FRMD4A: variants seen among roughly 807,000 people sequenced by gnomAD.
FRMD4A encodes FERM domain containing 4A.
In FRMD4A, 29 loss-of-function variants were observed where a neutral mutation model predicts 129.1. The ratio of observed to expected loss-of-function variants is 0.22; its 90% confidence interval spans 0.17 to 0.31. FRMD4A has a LOEUF of 0.31. Ranked by LOEUF, FRMD4A falls within the 10% of genes least tolerant of loss-of-function variation. The pLI is 1.00. For synonymous variants in FRMD4A, 634 were observed against 571.6 expected (o/e 1.11, Z -1.56); for missense variants, 1,272 against 1,375.8 (o/e 0.92, Z 1.19).
Position 13,884,200 on chromosome 10 carries a change from A to ACACACACACACTCACACGCACACT in FRMD4A, c.46-25289_46-25288insAGTGTGCGTGTGAGTGTGTGTGTG, listed in dbSNP as rs2131138612. Among the ~76,000 whole-genome samples the ACACACACACACTCACACGCACACT allele has an allele frequency of 8.9e-5, 5 of 55,900 alleles. 1 individual carries two copies. The South Asian group carries it at 4.2e-3, about 47-fold the overall frequency. 36.7% of individuals were successfully genotyped at this position (55,900 alleles called of 152,430 possible). ...CTCACACACACACACACACACTCAC[A>ACACACACACACTCACACGCACACT]CACACACTCACACACACACACACAC... On this transcript the variant is annotated intron_variant, in intron 2 of 24. Transcript: ENST00000357447.
intron 2 of FRMD4A, among the ~76,000 whole-genome samples, chr10:14,186,519 G>A (rs1430157105): frequency 6.6e-6 from 1 of 152,172 alleles, no homozygotes; most frequent in African/African-American, 2.4e-5. Context: ...AACAATAAAA[G>A]CTTTGCTTTT....
intron 2 of FRMD4A, among the ~76,000 whole-genome samples, chr10:14,219,311 C>T (rs1344022639): frequency 6.6e-6 from 1 of 152,190 alleles, no homozygotes; most frequent in African/African-American, 2.4e-5. Flanking sequence ...ATTCTGTCCC[C>T]TCTGCCCGAT....
At chr10:13,647,278 T>C (rs569203092) in intron 24 of FRMD4A, 2 of 152,324 alleles carry the variant, frequency 1.3e-5, no homozygotes, top group African/African-American at 4.8e-5. Context: ...AAATGGAAGG[T>C]AACTTACTCA....
intron 2 of FRMD4A, among the ~76,000 whole-genome samples, chr10:14,294,352 T>A (rs994821355): frequency 1.3e-5 from 2 of 152,156 alleles, no homozygotes; most frequent in Admixed American, 6.5e-5. Context: ...TAGTGTGAAC[T>A]AATAAAAAAG....
chr10:13,677,658 T>C (rs952525845), intron 15 of FRMD4A, among the ~76,000 whole-genome samples: 1 of 152,224 alleles, frequency 6.6e-6, no homozygotes, highest in Non-Finnish European at 1.5e-5. Flanking sequence ...CCAATCACCC[T>C]GTGCTTACCA....
intron 2 of FRMD4A, among the ~76,000 whole-genome samples, chr10:13,982,576 A>G (rs1174784815): frequency 1.3e-5 from 2 of 151,826 alleles, no homozygotes; most frequent in Admixed American, 6.6e-5. Flanking sequence ...GTCCTGCCCT[A>G]TACCCAGAAG....
chr10:13,753,283 G>A (rs1276306703), intron 8 of FRMD4A, among the ~76,000 whole-genome samples: 3 of 152,152 alleles, frequency 2.0e-5, no homozygotes, highest in East Asian at 1.9e-4. Context: ...CCAATCACAT[G>A]CTTTTTTCCC....
At chr10:13,669,531 C>T (rs979987578) in intron 17 of FRMD4A, among the ~76,000 whole-genome samples, 6 of 152,160 alleles carry the variant, frequency 3.9e-5, no homozygotes, top group African/African-American at 1.2e-4. Flanking sequence ...CCCAGGTGTC[C>T]GTTTCTCCCA....
intron 2 of FRMD4A, among the ~76,000 whole-genome samples, chr10:14,151,890 G>A (rs923286591): frequency 6.6e-6 from 1 of 152,048 alleles, no homozygotes; most frequent in African/African-American, 2.4e-5. Flanking sequence ...TCAGCCCAAA[G>A]GCAGAAACTG....
intron 2 of FRMD4A, among the ~76,000 whole-genome samples, chr10:13,930,355 T>G (rs1420955100): frequency 6.6e-6 from 1 of 152,212 alleles, no homozygotes; most frequent in African/African-American, 2.4e-5. Context: ...AGAGGGCTCC[T>G]GCTACTCTCT....
chr10:14,029,129 T>A (rs1833115332), intron 2 of FRMD4A, among the ~76,000 whole-genome samples: 1 of 152,218 alleles, frequency 6.6e-6, no homozygotes, highest in African/African-American at 2.4e-5. Context: ...GTTTTTAAAT[T>A]CAGAACCGTT....
intron 2 of FRMD4A, among the ~76,000 whole-genome samples, chr10:14,128,900 A>G (rs559344849): frequency 6.6e-6 from 1 of 152,184 alleles, no homozygotes; most frequent in African/African-American, 2.4e-5. Context: ...AAGAACCTGA[A>G]AAAATGCTGG....
intron 2 of FRMD4A, among the ~76,000 whole-genome samples, chr10:14,124,012 T>C (rs537728863): frequency 9.6e-4 from 146 of 152,242 alleles, no homozygotes; most frequent in Non-Finnish European, 1.9e-3. Context: ...GACCTGCGTT[T>C]AGGGCAAATA....
chr10:14,318,207 T>G (rs1846820934), intron 2 of FRMD4A, among the ~76,000 whole-genome samples: 1 of 152,030 alleles, frequency 6.6e-6, no homozygotes. Flanking sequence ...AAACATAGTC[T>G]CCTGTTCATT....
Position 14,128,011 on chromosome 10 carries a change from T to TCTTTCTTCCTTCCTTC in FRMD4A, c.45+202046_45+202047insGAAGGAAGGAAGAAAG, listed in dbSNP as rs1414387374. ...CTCTCTCTCTCTCTCTTTCTTTCTT[T>TCTTTCTTCCTTCCTTC]CTTCCTTCCTTCCTTCCTTCCTTCC... On this transcript the variant is annotated intron_variant, in intron 2 of 24. Coordinates refer to ENST00000357447, the MANE Select transcript of FRMD4A (RefSeq NM_018027.5). Among the ~76,000 whole-genome samples, 30 of 96,872 alleles carry TCTTTCTTCCTTCCTTC rather than the reference T, an allele frequency of 3.1e-4. 1 individual carries two copies. The highest frequency in any genetic ancestry group is 1.3e-3 in the African/African-American group (28 of 22,102). 63.6% of individuals were successfully genotyped at this position (96,872 alleles called of 152,430 possible).
intron 2 of FRMD4A, among the ~76,000 whole-genome samples, chr10:14,088,508 C>T (rs1836434712): frequency 6.6e-6 from 1 of 151,270 alleles, no homozygotes; most frequent in Non-Finnish European, 1.5e-5. Flanking sequence ...GCCTGTAATC[C>T]CTAATCCTAG....
chr10:13,900,896 CTAAAATAAAA>C (rs71848496), intron 2 of FRMD4A, among the ~76,000 whole-genome samples: 20 of 151,920 alleles, frequency 1.3e-4, no homozygotes, highest in South Asian at 2.1e-4. Context: ...GATTCCGTCT[CTAAAATAAAA>C]TAAAATAAAA....
At chr10:13,864,796 C>G (rs139560255) in intron 2 of FRMD4A, among the ~76,000 whole-genome samples, 8 of 151,972 alleles carry the variant, frequency 5.3e-5, no homozygotes, top group African/African-American at 1.9e-4. Context: ...AGGCTGGTCT[C>G]GAACTCCTGA....
chr10:14,185,465 A>G (rs972250340), intron 2 of FRMD4A, among the ~76,000 whole-genome samples: 32 of 152,372 alleles, frequency 2.1e-4, no homozygotes, highest in East Asian at 1.7e-3. Flanking sequence ...AATTAGTACA[A>G]AAAACATTAC....
Sources: gnomAD v4.1 joint callset for allele counts (sites outside exome capture counted in the v4.1 genomes callset) on GRCh38, gnomAD v4.1.1 for gene constraint, MANE v1.5 for transcripts, NCBI Gene and HGNC (gene_info 2026-07-23, HGNC 2026-07-21) for gene names.